PPM1L: variants seen among roughly 807,000 people sequenced by gnomAD.
The protein encoded by PPM1L is protein phosphatase, Mg2+/Mn2+ dependent 1L, also known as protein phosphatase 1L.
Under a neutral mutation model 31.4 loss-of-function variants are expected in PPM1L, and 13 were observed. The ratio of observed to expected loss-of-function variants is 0.41; its 90% CI spans 0.27 to 0.66. The LOEUF is 0.66. Ranked by LOEUF, PPM1L falls within the 30% of genes least tolerant of loss-of-function variation. PPM1L has a pLI of 0.29. For synonymous variants in PPM1L, 184 were observed against 175.4 expected (o/e 1.05, Z -0.39); for missense variants, 326 against 453.7 (o/e 0.72, Z 2.56).
intron 1 of PPM1L, among the ~76,000 whole-genome samples, chr3:160,829,051 AT>A (rs942188993): frequency 6.6e-6 from 1 of 152,036 alleles, no homozygotes; most frequent in Non-Finnish European, 1.5e-5. Context: ...CAGTGAGAAC[AT>A]GATACATGTC....
chr3:160,927,703 C>G (rs773611145), intron 1 of PPM1L, among the ~76,000 whole-genome samples: 4 of 152,138 alleles, frequency 2.6e-5, no homozygotes, highest in African/African-American at 4.8e-5. Context: ...AGCTATTTGC[C>G]TCTCTCCCTC....
intron 1 of PPM1L, among the ~76,000 whole-genome samples, chr3:160,769,546 C>T (rs1005051138): frequency 1.3e-5 from 2 of 151,854 alleles, no homozygotes; most frequent in South Asian, 4.2e-4. Flanking sequence ...TTTTCTAACT[C>T]AGGTTTTTTT....
intron 1 of PPM1L, among the ~76,000 whole-genome samples, chr3:160,876,526 A>G (rs1485718498): frequency 6.6e-6 from 1 of 152,246 alleles, no homozygotes; most frequent in East Asian, 1.9e-4. Context: ...GAAGAAATTC[A>G]TCTCTGTGCT....
At chr3:160,901,130 G>A (rs1713527695) in intron 1 of PPM1L, among the ~76,000 whole-genome samples, 1 of 151,918 alleles carries the variant, frequency 6.6e-6, no homozygotes, top group Admixed American at 6.6e-5. Context: ...TTCCATCTAG[G>A]TTCGTGGCTT....
chr3:160,994,402 T>G (rs1047504067), intron 2 of PPM1L, among the ~76,000 whole-genome samples: 5 of 152,112 alleles, frequency 3.3e-5, no homozygotes, highest in Non-Finnish European at 7.4e-5. Flanking sequence ...GCATTTTCAT[T>G]TAGCACCATT....
intron 2 of PPM1L, among the ~76,000 whole-genome samples, chr3:161,044,438 G>A (rs775237840): frequency 6.6e-6 from 1 of 151,576 alleles, no homozygotes; most frequent in Non-Finnish European, 1.5e-5. Flanking sequence ...AATCTGAAGT[G>A]TTCCAAAATT....
intron 1 of PPM1L, among the ~76,000 whole-genome samples, chr3:160,910,175 GTCCCCTTCCCCT>G (rs769534194): frequency 1.4e-5 from 2 of 145,344 alleles, no homozygotes; most frequent in Non-Finnish European, 3.0e-5. Context: ...TTCCCTCCCT[GTCCCCTTCCCCT>G]TCCCCTTCCC....
At chr3:160,780,203 G>A (rs1319595234) in intron 1 of PPM1L, among the ~76,000 whole-genome samples, 1 of 152,082 alleles carries the variant, frequency 6.6e-6, no homozygotes, top group Admixed American at 6.6e-5. Context: ...TATTTTTTAG[G>A]ATTAATTTGG....
intron 1 of PPM1L, among the ~76,000 whole-genome samples, chr3:160,940,809 C>T (rs1715140477): frequency 1.3e-5 from 2 of 152,144 alleles, no homozygotes; most frequent in Non-Finnish European, 2.9e-5. Flanking sequence ...CTACTGGGAC[C>T]CTGCCTAGTG....
rs1473737860 is a variant in PPM1L at position 161,077,883 on chromosome 3, TA to T, written c.*8729del. On this transcript the variant is annotated 3_prime_UTR_variant, in exon 4 of 4. Transcript: ENST00000498165. ...AACCACAGAAACCATCACTTCTTTC[TA>T]AATTATTTGCTTGCCTGCTCATTTC... The T allele has an allele frequency of 6.6e-6, 1 of 152,240 alleles. No individual in the cohort carries two copies. Among genetic ancestry groups the T allele is most frequent in the Non-Finnish European group, 1.5e-5 (1 of 68,034 alleles). 9.4% of individuals were successfully genotyped at this position (152,240 alleles called of 1,614,324 possible).
At chr3:160,805,199 C>T (rs1164338661) in intron 1 of PPM1L, among the ~76,000 whole-genome samples, 1 of 152,204 alleles carries the variant, frequency 6.6e-6, no homozygotes, top group Non-Finnish European at 1.5e-5. Flanking sequence ...TAATTTATAT[C>T]ACTTTGAAGT....
At chr3:160,781,509 T>A (rs1711747625) in intron 1 of PPM1L, among the ~76,000 whole-genome samples, 1 of 152,208 alleles carries the variant, frequency 6.6e-6, no homozygotes, top group South Asian at 2.1e-4. Context: ...ATGGCCTAGC[T>A]GCACAGACCT....
chr3:160,929,337 C>T (rs1714706495), intron 1 of PPM1L, among the ~76,000 whole-genome samples: 1 of 152,140 alleles, frequency 6.6e-6, no homozygotes, highest in Non-Finnish European at 1.5e-5. Context: ...ATGAGGTACT[C>T]AAAACTTCAA....
At chr3:160,977,428 T>G (rs1307195517) in intron 2 of PPM1L, among the ~76,000 whole-genome samples, 2 of 152,232 alleles carry the variant, frequency 1.3e-5, no homozygotes, top group Non-Finnish European at 2.9e-5. Flanking sequence ...TAAAGACAGA[T>G]GAGTTAGAAG....
intron 2 of PPM1L, among the ~76,000 whole-genome samples, chr3:161,036,466 A>G (rs1718744314): frequency 6.6e-6 from 1 of 152,140 alleles, no homozygotes; most frequent in African/African-American, 2.4e-5. Context: ...TTATTAGTAG[A>G]TTGATGTGAG....
chr3:160,760,080 ATG>A (rs1714929501), intron 1 of PPM1L, among the ~76,000 whole-genome samples: 1 of 152,176 alleles, frequency 6.6e-6, no homozygotes, highest in Non-Finnish European at 1.5e-5. Flanking sequence ...CTCTATGAAG[ATG>A]TATGTAGTGC....
chr3:161,007,466 A>T (rs1717751938), intron 2 of PPM1L, among the ~76,000 whole-genome samples: 1 of 152,162 alleles, frequency 6.6e-6, no homozygotes, highest in African/African-American at 2.4e-5. Context: ...TAGCTGGAGG[A>T]GAGTGAACGG....
rs760273018 is a variant in PPM1L, at chr3:160,756,318, G to A, written c.10G>A (p.Asp4Asn). 4.3e-6 allele frequency: 7 copies of A among 1,612,618 alleles called. No homozygotes were observed. Among genetic ancestry groups the A allele is most frequent in the African/African-American group, 4.0e-5 (3 of 74,928 alleles). The change falls in exon 1 of 4, where the codon GAT becomes AAT. Residue 4 changes from aspartate (D) to asparagine (N), a missense_variant. Physicochemically the swap from Asp to Asn is conservative, Grantham distance 23 (BLOSUM62 1). Coordinates refer to ENST00000498165, the MANE Select transcript of PPM1L (RefSeq NM_139245.4). This position sits in a 1 kb window ranked among gnomAD's most constrained non-coding sequence, Gnocchi z 6.2. Reference sequence around the variant, plus strand: ...GCTCTAGCGATAATAAATGATAGAGGATACAATGACTTTGCTGTCTCTGCT... The same window carrying A: ...GCTCTAGCGATAATAAATGATAGAGAATACAATGACTTTGCTGTCTCTGCT... MIE[D>N]TMTLLSLLGR... is the part of the protein sequence containing the mutation.
chr3:160,973,844 T>A (rs1413386016), intron 2 of PPM1L, among the ~76,000 whole-genome samples: 1 of 149,578 alleles, frequency 6.7e-6, no homozygotes, highest in African/African-American at 2.4e-5. Flanking sequence ...TGATTCTATC[T>A]AGTTTTTCTT....
Sources: gnomAD v4.1 joint callset for allele counts (sites outside exome capture counted in the v4.1 genomes callset) on GRCh38, gnomAD v4.1.1 for gene constraint, Gnocchi (gnomAD v3.1) non-coding constraint, MANE v1.5 for transcripts, NCBI Gene and HGNC (gene_info 2026-07-23, HGNC 2026-07-21) for gene names.